Variants in KRT8 observed in about 807,000 individuals in gnomAD.
KRT8 encodes the protein keratin 8.
In KRT8, 24 loss-of-function variants were observed where a neutral mutation model predicts 43.0. That is an observed-to-expected ratio of 0.56 (90% CI 0.40 to 0.78). The LOEUF is 0.78. Ranked by LOEUF, KRT8 falls within the 30% of genes least tolerant of loss-of-function variation. KRT8 has a pLI of 0.00. For missense variants in KRT8, 492 were observed against 638.4 expected (o/e 0.77, Z 2.47); for synonymous variants, 214 against 261.2 (o/e 0.82, Z 1.74).
chr12:52,931,984 A>G (rs1235548527), intron 2 of KRT8, among the ~76,000 whole-genome samples: 1 of 151,726 alleles, frequency 6.6e-6, no homozygotes, highest in East Asian at 1.9e-4. Context: ...TTTTGTAGAG[A>G]CAGAGATTTG....
At chr12:52,910,789 C>A (rs1275944576), upstream of KRT8, among the ~76,000 whole-genome samples, 1 of 152,162 alleles carries the variant, frequency 6.6e-6, no homozygotes, top group Non-Finnish European at 1.5e-5. Flanking sequence ...ATTCCCCTGG[C>A]CTGAGCTGCT....
chr12:52,899,889 C>T, exon 5 of KRT8: 1 of 1,612,872 alleles, frequency 6.2e-7, no homozygotes, highest in African/African-American at 1.3e-5. Flanking sequence ...CCAGGCTCTG[C>T]AGCTCCTCAT....
At chr12:52,927,111 T>C (rs1190024384) in intron 2 of KRT8, among the ~76,000 whole-genome samples, 1 of 152,152 alleles carries the variant, frequency 6.6e-6, no homozygotes, top group Non-Finnish European at 1.5e-5. Flanking sequence ...CTGTGATTGT[T>C]TCATGGATAC....
chr12:52,917,107 C>T (rs555834202), intron 2 of KRT8, among the ~76,000 whole-genome samples: 18 of 152,254 alleles, frequency 1.2e-4, no homozygotes, highest in South Asian at 1.0e-3. Context: ...AGAGAGTCTG[C>T]GGCCGGGCAC....
chr12:52,930,969 CT>C lies in KRT8; in HGVS notation c.-47+18486del, dbSNP rs1379043143. Among the ~76,000 whole-genome samples the C allele has an allele frequency of 3.3e-5, 5 of 152,250 alleles. No individual in the cohort carries two copies. The East Asian group carries it at 9.6e-4, about 29-fold the overall frequency. On this transcript the variant is annotated intron_variant, in intron 2 of 6. Transcript: ENST00000546826. ...TGATTGCAGTAATCTCCACTCTTGT[CT>C]TTTCAAATCTTTCCAAGACATCTGG...
intron 2 of KRT8, among the ~76,000 whole-genome samples, chr12:52,929,245 G>A (rs577895604): frequency 6.8e-6 from 1 of 146,134 alleles, no homozygotes; most frequent in East Asian, 2.0e-4. Flanking sequence ...GAGTGCAGCG[G>A]TATGATCTCG....
At chr12:52,922,163 GAC>G (rs1941898885) in intron 2 of KRT8, among the ~76,000 whole-genome samples, 1 of 133,610 alleles carries the variant, frequency 7.5e-6, no homozygotes, top group Non-Finnish European at 1.6e-5. Flanking sequence ...GGCACTGGGT[GAC>G]AGAGTGAGAC....
intron 2 of KRT8, among the ~76,000 whole-genome samples, chr12:52,936,762 G>T (rs377050003): frequency 1.2e-3 from 180 of 152,206 alleles, no homozygotes; most frequent in Admixed American, 1.8e-3. Flanking sequence ...TGATCCGCCC[G>T]TCTTGGCCTC....
At chr12:52,903,035 T>G (rs1243281049) in intron 1 of KRT8, among the ~76,000 whole-genome samples, 1 of 151,954 alleles carries the variant, frequency 6.6e-6, no homozygotes, top group Non-Finnish European at 1.5e-5. Context: ...AACTTGTAAC[T>G]CCTTCTAAAC....
chr12:52,931,578 G>C (rs1942084150), intron 2 of KRT8, among the ~76,000 whole-genome samples: 1 of 151,660 alleles, frequency 6.6e-6, no homozygotes, highest in African/African-American at 2.4e-5. Flanking sequence ...GTCTAACAAG[G>C]CTCTTCTTGA....
intron 2 of KRT8, chr12:52,948,579 C>A: frequency 3.6e-6 from 1 of 276,944 alleles, no homozygotes; most frequent in East Asian, 6.1e-5. Context: ...GCAACCTCCG[C>A]CTCCCAGGTT....
intron 2 of KRT8, 48 bp downstream of exon 2, chr12:52,901,816 G>A: frequency 2.3e-6 from 3 of 1,318,488 alleles, no homozygotes; most frequent in Non-Finnish European, 2.2e-6. Flanking sequence ...CCAAGGGGTG[G>A]AGGAGAGCAC....
chr12:52,924,572 G>A (rs1941953334), intron 2 of KRT8, among the ~76,000 whole-genome samples: 2 of 152,014 alleles, frequency 1.3e-5, no homozygotes, highest in Non-Finnish European at 2.9e-5. Flanking sequence ...TTGGGCGACA[G>A]AGCCAGACCC....
Position 52,903,840 on chromosome 12 carries a change from C to A in KRT8, c.324+818G>T, listed in dbSNP as rs1381271629. Among the ~76,000 whole-genome samples, 4 of 148,866 alleles carry A rather than the reference C, an allele frequency of 2.7e-5. No homozygotes were observed. In the East Asian group the frequency reaches 6.1e-4, roughly 23 times the overall value. ...GCTTTCCGAGGCCAGGCCCTGGCGC[C>A]TCCTCCACCCCACCCCAGCCCACCC... On this transcript the variant is annotated intron_variant, in intron 1 of 7. Coordinates refer to ENST00000692008, the Ensembl canonical transcript of KRT8.
At chr12:52,907,605 G>A (rs1220293936), upstream of KRT8, among the ~76,000 whole-genome samples, 1 of 152,238 alleles carries the variant, frequency 6.6e-6, no homozygotes, top group Non-Finnish European at 1.5e-5. Flanking sequence ...CCTGCAGTAT[G>A]CAGGCTGGAG....
At position 52,902,091 on chromosome 12, in the gene KRT8, A is replaced by G. The variant is rs1420596065; in HGVS notation, c.325-19T>C. On this transcript the variant is annotated intron_variant, in intron 1 of 7. Transcript: ENST00000692008. The stretch of plus-strand genomic sequence containing the variant: ...ACCGTACCTATACGAAGGAGGAGAG[A>G]GCAAAAAGGTCTACATCAGGCCAGG... 2.0e-6 allele frequency: 3 copies of G among 1,537,962 alleles called. No homozygotes were observed. The highest frequency in any genetic ancestry group is 1.1e-5 in the South Asian group (1 of 89,826).
upstream of KRT8, among the ~76,000 whole-genome samples, chr12:52,908,498 A>C (rs917753782): frequency 6.6e-6 from 1 of 152,244 alleles, no homozygotes; most frequent in African/African-American, 2.4e-5. Flanking sequence ...CTACTGATGC[A>C]TGTTGGATGC....
intron 2 of KRT8, among the ~76,000 whole-genome samples, chr12:52,931,455 G>A (rs1942082291): frequency 6.6e-6 from 1 of 152,132 alleles, no homozygotes; most frequent in Admixed American, 6.6e-5. Context: ...CAATCCCAGA[G>A]AGTATTATTC....
chr12:52,926,970 G>GAATA (rs1187622512), intron 2 of KRT8, among the ~76,000 whole-genome samples: 2 of 151,962 alleles, frequency 1.3e-5, no homozygotes, highest in East Asian at 3.9e-4. Flanking sequence ...ATGAATGAAT[G>GAATA]AATGATTCAA....
Sources: gnomAD v4.1 joint callset for allele counts (sites outside exome capture counted in the v4.1 genomes callset) on GRCh38, gnomAD v4.1.1 for gene constraint, MANE v1.5 for transcripts, NCBI Gene and HGNC (gene_info 2026-07-23, HGNC 2026-07-21) for gene names.